FTO: variants seen among roughly 807,000 people sequenced by gnomAD.
FTO encodes the protein alpha-ketoglutarate-dependent dioxygenase FTO.
Under a neutral mutation model 63.9 loss-of-function variants are expected in FTO, and 47 were observed. The ratio of observed to expected loss-of-function variants is 0.74; its 90% CI spans 0.58 to 0.94. The LOEUF (loss-of-function observed/expected upper bound fraction) is 0.94. FTO is among the 40% of genes least tolerant of loss of function. The pLI, the probability that FTO is intolerant of heterozygous loss-of-function variation, is 0.00. For synonymous variants in FTO, 207 were observed against 224.4 expected, an observed-to-expected ratio of 0.92 and a Z score of 0.69; for missense variants, 562 against 618.1, an observed-to-expected ratio of 0.91 and a Z score of 0.96.
chr16:53,706,014 C>T (rs2075609616), intron 1 of FTO, among the ~76,000 whole-genome samples: 2 of 152,018 alleles, frequency 1.3e-5, no homozygotes, highest in Admixed American at 1.3e-4. Flanking sequence ...CGTGACTTGC[C>T]CAAGGCCACT....
intron 4 of FTO, among the ~76,000 whole-genome samples, chr16:53,864,816 T>C (rs984539333): frequency 1.3e-5 from 2 of 152,222 alleles, no homozygotes; most frequent in South Asian, 2.1e-4. Context: ...GTCGCTTTTA[T>C]AGATGGAGTT....
chr16:53,876,963 T>C (rs1248535013), intron 5 of FTO, among the ~76,000 whole-genome samples: 1 of 152,072 alleles, frequency 6.6e-6, no homozygotes, highest in East Asian at 1.9e-4. Flanking sequence ...AAATGGCCAA[T>C]AGACAAATGA....
At chr16:53,767,733 T>C (rs1244344055) in intron 1 of FTO, among the ~76,000 whole-genome samples, 1 of 152,172 alleles carries the variant, frequency 6.6e-6, no homozygotes, top group Non-Finnish European at 1.5e-5. Context: ...AGGTTTTATA[T>C]CATTTATAGA....
chr16:53,875,804 G>C (rs2080633187), intron 5 of FTO, among the ~76,000 whole-genome samples: 1 of 152,178 alleles, frequency 6.6e-6, no homozygotes, highest in South Asian at 2.1e-4. Context: ...GATGCTTATG[G>C]TCTAAAGAGT....
intron 7 of FTO, among the ~76,000 whole-genome samples, chr16:53,895,526 GA>G (rs1265363030): frequency 6.6e-6 from 1 of 152,070 alleles, no homozygotes; most frequent in African/African-American, 2.4e-5. Flanking sequence ...CTGTGCAGCA[GA>G]AAAAAGGGAT....
intron 4 of FTO, among the ~76,000 whole-genome samples, 188 bp downstream of exon 4, chr16:53,844,486 C>CT (rs1346610137): frequency 6.6e-6 from 1 of 151,964 alleles, no homozygotes; most frequent in Non-Finnish European, 1.5e-5. Context: ...TGAGATGGAG[C>CT]TTCACTCTTG....
intron 8 of FTO, among the ~76,000 whole-genome samples, chr16:54,010,698 C>T (rs2084314960): frequency 1.3e-5 from 2 of 152,112 alleles, no homozygotes; most frequent in Admixed American, 1.3e-4. Context: ...TTTTAAATAA[C>T]TTAATTCCTA....
intron 1 of FTO, among the ~76,000 whole-genome samples, chr16:53,771,914 G>T (rs1249078696): frequency 6.6e-6 from 1 of 152,088 alleles, no homozygotes; most frequent in African/African-American, 2.4e-5. Context: ...AATCCATAGA[G>T]ACTGGAAATA....
chr16:53,892,038 G>A (rs1277780398), intron 7 of FTO, among the ~76,000 whole-genome samples: 4 of 152,060 alleles, frequency 2.6e-5, no homozygotes, highest in Non-Finnish European at 5.9e-5. Flanking sequence ...TTAAATGTAA[G>A]CATTGCTTCA....
intron 8 of FTO, among the ~76,000 whole-genome samples, chr16:54,012,656 T>A (rs773495013): frequency 6.6e-6 from 1 of 152,212 alleles, no homozygotes; most frequent in Non-Finnish European, 1.5e-5. Context: ...CTGGTAACTT[T>A]AAGTCGAAGC....
At chr16:53,846,175 C>T (rs565354849) in intron 4 of FTO, among the ~76,000 whole-genome samples, 2 of 152,140 alleles carry the variant, frequency 1.3e-5, no homozygotes, top group East Asian at 3.9e-4. Context: ...CTATTTCAAC[C>T]TGATCCCAAT....
chr16:54,097,976 T>C (rs2144582830), intron 8 of FTO, among the ~76,000 whole-genome samples: 1 of 152,106 alleles, frequency 6.6e-6, no homozygotes, highest in South Asian at 2.1e-4. Flanking sequence ...GAGCAGCAGG[T>C]TCTAATATGC....
intron 4 of FTO, among the ~76,000 whole-genome samples, chr16:53,868,482 AT>A (rs1440894891): frequency 6.6e-6 from 1 of 151,876 alleles, no homozygotes; most frequent in Non-Finnish European, 1.5e-5. Context: ...AATATTCCTA[AT>A]TTTTTTCTCT....
intron 8 of FTO, among the ~76,000 whole-genome samples, chr16:53,941,038 C>G (rs116862921): frequency 6.6e-6 from 1 of 152,290 alleles, no homozygotes; most frequent in South Asian, 2.1e-4. Flanking sequence ...CGGGGCTCAA[C>G]AAGTATAACA....
chr16:53,954,126 G>T (rs2082865546), intron 8 of FTO, among the ~76,000 whole-genome samples: 2 of 152,176 alleles, frequency 1.3e-5, no homozygotes, highest in East Asian at 1.9e-4. Context: ...TATGAACAAG[G>T]TTCTCAGTTT....
chr16:53,893,062 C>T (rs1466314007), intron 7 of FTO, among the ~76,000 whole-genome samples: 1 of 152,112 alleles, frequency 6.6e-6, no homozygotes, highest in African/African-American at 2.4e-5. Context: ...AGTTTTACTC[C>T]ATCCATGCTC....
At chr16:54,105,041 A>C (rs1386789085) in intron 8 of FTO, among the ~76,000 whole-genome samples, 2 of 152,232 alleles carry the variant, frequency 1.3e-5, no homozygotes, top group Non-Finnish European at 2.9e-5. Context: ...TTATCTTCAC[A>C]TAACCCGGTA....
chr16:53,810,231 A>G lies in FTO; in HGVS notation c.123+14A>G, dbSNP rs193197607. ...TTCTATCAGCAGGTAAGGTATTTTAATATTTTTATCAGTTTCAGTGATGTG... is the reference window on the plus strand; with the variant it reads ...TTCTATCAGCAGGTAAGGTATTTTAGTATTTTTATCAGTTTCAGTGATGTG... On this transcript the variant is annotated intron_variant, in intron 2 of 8. Coordinates refer to ENST00000471389, the MANE Select transcript of FTO (RefSeq NM_001080432.3). 1.4e-5 allele frequency: 21 copies of G among 1,555,138 alleles called. No individual in the cohort carries two copies. In the East Asian group the frequency reaches 4.5e-4, roughly 33 times the overall value.
intron 5 of FTO, 120 bp downstream of exon 5, chr16:53,873,985 G>A (rs2080576871): frequency 1.3e-6 from 1 of 745,048 alleles, no homozygotes; most frequent in Non-Finnish European, 2.4e-6. Context: ...CATCTAACTT[G>A]ACTTTCGTCT....
Sources: gnomAD v4.1 joint callset for allele counts (sites outside exome capture counted in the v4.1 genomes callset) on GRCh38, gnomAD v4.1.1 for gene constraint, MANE v1.5 for transcripts, NCBI Gene and HGNC (gene_info 2026-07-23, HGNC 2026-07-21) for gene names.